ARHGAP15: variants seen among roughly 807,000 people sequenced by gnomAD.
The protein encoded by ARHGAP15 is Rho GTPase activating protein 15.
A neutral mutation model predicts 63.7 loss-of-function variants in ARHGAP15; 51 were observed. The observed-to-expected ratio is 0.80, with a 90% CI of 0.64 to 1.01. ARHGAP15 has a LOEUF of 1.01. Ranked by LOEUF, ARHGAP15 falls within the 50% of genes least tolerant of loss-of-function variation. The pLI, the probability that ARHGAP15 is intolerant of heterozygous loss-of-function variation, is 0.00. For missense variants in ARHGAP15, 560 were observed against 564.6 expected, an observed-to-expected ratio of 0.99 and a Z score of 0.08; for synonymous variants, 191 against 193.8, an observed-to-expected ratio of 0.99 and a Z score of 0.12.
chr2:143,188,984 A>G (rs1691563419), intron 2 of ARHGAP15, among the ~76,000 whole-genome samples: 2 of 152,022 alleles, frequency 1.3e-5, no homozygotes, highest in Admixed American at 6.6e-5. Flanking sequence ...TTTTGCCTAA[A>G]CACTTCCCCT....
chr2:143,308,465 G>C (rs16822345), intron 6 of ARHGAP15, among the ~76,000 whole-genome samples: 4,229 of 117,858 alleles, frequency 0.036, 203 homozygotes, highest in African/African-American at 0.13. Flanking sequence ...TTGCAGGATT[G>C]AGTTGATAAG....
Position 143,155,489 on chromosome 2 carries a change from A to G in ARHGAP15, c.-2A>G, listed in dbSNP as rs774980888. 1 of 1,604,228 alleles carries G rather than the reference A, an allele frequency of 6.2e-7. No homozygotes were observed. The highest frequency in any genetic ancestry group is 1.7e-5 in the Admixed American group (1 of 57,634). ...TATATTTTATCAGGATAGCACTATA[A>G]TATGCAGAAATCTACAAATTCTGAT... On this transcript the variant is annotated 5_prime_UTR_variant, in exon 2 of 14. Coordinates refer to ENST00000295095, the MANE Select transcript of ARHGAP15 (RefSeq NM_018460.4).
chr2:143,440,724 G>A (rs1305218309), intron 8 of ARHGAP15, among the ~76,000 whole-genome samples: 1 of 152,130 alleles, frequency 6.6e-6, no homozygotes, highest in Non-Finnish European at 1.5e-5. Flanking sequence ...TATCAGTTGA[G>A]TCTAACAGAC....
intron 12 of ARHGAP15, among the ~76,000 whole-genome samples, chr2:143,682,376 T>C (rs929077627): frequency 6.6e-6 from 1 of 152,136 alleles, no homozygotes; most frequent in African/African-American, 2.4e-5. Context: ...TGTGATTCTG[T>C]GGAAAGCCAA....
chr2:143,703,363 C>T, intron 12 of ARHGAP15, 56 bp from the exon 13 acceptor site: 3 of 1,456,956 alleles, frequency 2.1e-6, no homozygotes, highest in Non-Finnish European at 2.8e-6. Context: ...TCTCATGTAC[C>T]TGTACCTATG....
chr2:143,219,898 T>G (rs1416208433), intron 4 of ARHGAP15, among the ~76,000 whole-genome samples: 2 of 152,224 alleles, frequency 1.3e-5, no homozygotes, highest in African/African-American at 4.8e-5. Context: ...AGTTTCCTGC[T>G]TTTTTATTCA....
intron 11 of ARHGAP15, among the ~76,000 whole-genome samples, chr2:143,586,362 G>A (rs538777959): frequency 1.3e-5 from 2 of 151,238 alleles, no homozygotes; most frequent in African/African-American, 4.9e-5. Context: ...TTTTTCTGTG[G>A]CATTTGCTCT....
chr2:143,534,973 A>G (rs996191058), intron 10 of ARHGAP15, among the ~76,000 whole-genome samples: 2 of 152,180 alleles, frequency 1.3e-5, no homozygotes, highest in Admixed American at 6.5e-5. Context: ...AAATTATTTT[A>G]TAAGTTTTCC....
intron 6 of ARHGAP15, among the ~76,000 whole-genome samples, chr2:143,383,644 AT>A (rs1022383336): frequency 2.0e-5 from 3 of 152,194 alleles, no homozygotes; most frequent in Non-Finnish European, 4.4e-5. Flanking sequence ...TTTGATTTAA[AT>A]TTTTAAAAAG....
intron 5 of ARHGAP15, among the ~76,000 whole-genome samples, chr2:143,242,699 A>G (rs1440270527): frequency 6.6e-6 from 1 of 152,212 alleles, no homozygotes; most frequent in Non-Finnish European, 1.5e-5. Flanking sequence ...TTATATTCAT[A>G]TACATAAAAC....
In ARHGAP15 at chr2:143,520,017, A is replaced by T. The variant is rs549643834; in HGVS notation, c.925+653A>T. On this transcript the variant is annotated intron_variant, in intron 10 of 13. Coordinates refer to ENST00000295095, the MANE Select transcript of ARHGAP15 (RefSeq NM_018460.4). Reference sequence around the variant, plus strand: ...TTTCCTTCAAACTATGACTTCATTCATTCAAGGTCATTTTTCCTGGAAGAT... The same window carrying T: ...TTTCCTTCAAACTATGACTTCATTCTTTCAAGGTCATTTTTCCTGGAAGAT... Among the ~76,000 whole-genome samples, 5 of 152,338 alleles carry T rather than the reference A, an allele frequency of 3.3e-5. No individual in the cohort carries two copies. In the South Asian group the frequency reaches 8.3e-4, roughly 25 times the overall value.
intron 6 of ARHGAP15, among the ~76,000 whole-genome samples, chr2:143,298,689 T>C (rs1682758466): frequency 6.6e-6 from 1 of 151,906 alleles, no homozygotes; most frequent in African/African-American, 2.4e-5. Flanking sequence ...ATGCATGGTT[T>C]TAATCTCCTC....
intron 6 of ARHGAP15, among the ~76,000 whole-genome samples, chr2:143,377,935 C>G (rs1274599931): frequency 6.6e-6 from 1 of 151,914 alleles, no homozygotes; most frequent in African/African-American, 2.4e-5. Flanking sequence ...AACAAATATA[C>G]CAAAATATAG....
rs530152845 is a variant in ARHGAP15, at chr2:143,179,458, G to A, written c.166-22676G>A. On this transcript the variant is annotated intron_variant, in intron 2 of 13. Transcript: ENST00000295095. The stretch of plus-strand genomic sequence containing the variant: ...CAAGCAAACTTCAGATATATTGCAG[G>A]TTTGGTTCCAGACTACCAAAATAAA... 3.3e-5 allele frequency among the ~76,000 whole-genome samples: 5 copies of A among 152,320 alleles called. 1 individual carries two copies. The South Asian group carries it at 6.2e-4, about 19-fold the overall frequency.
intron 6 of ARHGAP15, among the ~76,000 whole-genome samples, chr2:143,265,940 T>G (rs992265890): frequency 1.3e-5 from 2 of 152,108 alleles, no homozygotes; most frequent in African/African-American, 4.8e-5. Flanking sequence ...AATATATTAT[T>G]TCTAAATCTA....
chr2:143,153,792 T>A lies in ARHGAP15; in HGVS notation c.-14-1685T>A, dbSNP rs1382319332. ...TATATAATAAATCTTCTTCTTCTTC[T>A]TCTTCTTCTTCTTCTTCTTCTTCTT... On this transcript the variant is annotated intron_variant, in intron 1 of 13. Transcript: ENST00000295095. Among the ~76,000 whole-genome samples, 144 of 39,284 alleles carry A rather than the reference T, an allele frequency of 3.7e-3. 1 individual carries two copies. The highest frequency in any genetic ancestry group is 0.013 in the African/African-American group (137 of 10,598). The allele number at this position is 39,284 out of a possible 152,430, so 25.8% of individuals were successfully genotyped here.
intron 8 of ARHGAP15, among the ~76,000 whole-genome samples, chr2:143,437,869 C>T (rs1024176590): frequency 2.0e-5 from 3 of 152,024 alleles, no homozygotes; most frequent in Non-Finnish European, 4.4e-5. Flanking sequence ...ACTAAAACTA[C>T]AAAAATAAGC....
At chr2:143,705,565 CATGAAAGCGGTT>C (rs1684292010) in intron 13 of ARHGAP15, among the ~76,000 whole-genome samples, 1 of 152,126 alleles carries the variant, frequency 6.6e-6, no homozygotes, top group African/African-American at 2.4e-5. Flanking sequence ...CCAGACACAC[CATGAAAGCGGTT>C]TCAAGTTACA....
At chr2:143,468,301 T>G (rs1323764588) in intron 8 of ARHGAP15, among the ~76,000 whole-genome samples, 1 of 152,064 alleles carries the variant, frequency 6.6e-6, no homozygotes, top group Non-Finnish European at 1.5e-5. Context: ...TAGGGACTTT[T>G]AAAGATGAAC....
Sources: gnomAD v4.1 joint callset for allele counts (sites outside exome capture counted in the v4.1 genomes callset) on GRCh38, gnomAD v4.1.1 for gene constraint, MANE v1.5 for transcripts, NCBI Gene and HGNC (gene_info 2026-07-23, HGNC 2026-07-21) for gene names.